The following NRG3 variants were observed in gnomAD, a reference collection of about 807,000 sequenced individuals.
NRG3 encodes pro-neuregulin-3, membrane-bound isoform.
NRG3 carries 31 observed loss-of-function variants against 66.9 expected under a neutral mutation model. The observed-to-expected ratio is 0.46, with a 90% CI of 0.35 to 0.63. The LOEUF (loss-of-function observed/expected upper bound fraction) is 0.63. NRG3 is among the 20% of genes least tolerant of loss of function. NRG3 has a pLI of 0.00. For synonymous variants in NRG3, 393 were observed against 359.4 expected (o/e 1.09, Z -1.06); for missense variants, 910 against 878.9 (o/e 1.04, Z -0.45).
At chr10:82,210,181 T>G (rs765358797) in intron 1 of NRG3, among the ~76,000 whole-genome samples, 1 of 152,166 alleles carries the variant, frequency 6.6e-6, no homozygotes, top group Non-Finnish European at 1.5e-5. Flanking sequence ...TTGCCAAGTA[T>G]AAAGACTTTA....
intron 2 of NRG3, among the ~76,000 whole-genome samples, chr10:82,511,757 T>A (rs1845186077): frequency 6.6e-6 from 1 of 152,046 alleles, no homozygotes; most frequent in African/African-American, 2.4e-5. Flanking sequence ...TTCTGCCCTG[T>A]AGTGAACAAG....
At chr10:82,909,334 C>T (rs1295156725) in intron 4 of NRG3, among the ~76,000 whole-genome samples, 1 of 152,156 alleles carries the variant, frequency 6.6e-6, no homozygotes. Flanking sequence ...AAGAACAATA[C>T]AGGTTGAACA....
At chr10:82,077,825 TA>T (rs1265720796) in intron 1 of NRG3, among the ~76,000 whole-genome samples, 2 of 152,232 alleles carry the variant, frequency 1.3e-5, no homozygotes, top group African/African-American at 4.8e-5. Flanking sequence ...ATATCAGAAA[TA>T]ACCTAGTGCA....
At chr10:82,503,352 G>T (rs1481153271) in intron 2 of NRG3, among the ~76,000 whole-genome samples, 2 of 152,148 alleles carry the variant, frequency 1.3e-5, no homozygotes, top group African/African-American at 2.4e-5. Flanking sequence ...AGGAAAATCT[G>T]GTGAGTAGAA....
At chr10:82,153,405 A>G (rs1232142098) in intron 1 of NRG3, among the ~76,000 whole-genome samples, 7 of 120,258 alleles carry the variant, frequency 5.8e-5, no homozygotes, top group Non-Finnish European at 1.2e-4. Flanking sequence ...GCTATATAGT[A>G]TTCCATTGTG....
At chr10:82,732,713 G>A (rs1469486129) in intron 2 of NRG3, among the ~76,000 whole-genome samples, 3 of 152,162 alleles carry the variant, frequency 2.0e-5, no homozygotes, top group Non-Finnish European at 4.4e-5. Flanking sequence ...GGTGGCTACT[G>A]TTATCTGCAT....
chr10:81,977,807 G>GT (rs2060182314), intron 1 of NRG3, among the ~76,000 whole-genome samples: 2 of 152,140 alleles, frequency 1.3e-5, no homozygotes, highest in African/African-American at 4.8e-5. Flanking sequence ...TAGAAATGCA[G>GT]TTTTTTATTT....
At chr10:82,860,253 T>C (rs2064051149) in intron 3 of NRG3, among the ~76,000 whole-genome samples, 1 of 152,174 alleles carries the variant, frequency 6.6e-6, no homozygotes, top group Non-Finnish European at 1.5e-5. Context: ...AGCTTATATT[T>C]GGCACTTCAT....
intron 3 of NRG3, among the ~76,000 whole-genome samples, chr10:82,744,946 A>T (rs480220): frequency 6.6e-5 from 10 of 151,966 alleles, no homozygotes; most frequent in East Asian, 1.9e-4. Context: ...ATTAGTACAC[A>T]GTGTACAAGG....
chr10:82,585,036 GC>G (rs2046587710), intron 2 of NRG3, among the ~76,000 whole-genome samples: 1 of 151,716 alleles, frequency 6.6e-6, no homozygotes. Flanking sequence ...GGGAGTTTTG[GC>G]TGTATGGGTG....
At chr10:82,046,140 T>G (rs2063283001) in intron 1 of NRG3, among the ~76,000 whole-genome samples, 1 of 147,936 alleles carries the variant, frequency 6.8e-6, no homozygotes, top group African/African-American at 2.5e-5. Context: ...TGGCATTGAA[T>G]CTATAAATTA....
At chr10:82,314,865 G>A (rs976148700) in intron 1 of NRG3, among the ~76,000 whole-genome samples, 1 of 152,100 alleles carries the variant, frequency 6.6e-6, no homozygotes, top group Non-Finnish European at 1.5e-5. Context: ...CGGGAGGTAA[G>A]CTGCCCCAGG....
At chr10:82,747,542 A>G (rs1253565091) in intron 3 of NRG3, among the ~76,000 whole-genome samples, 5 of 152,088 alleles carry the variant, frequency 3.3e-5, no homozygotes, top group Admixed American at 6.6e-5. Context: ...AGGGAAAATT[A>G]TATACCACTA....
intron 1 of NRG3, among the ~76,000 whole-genome samples, chr10:81,980,581 G>GCA (rs1298677280): frequency 6.6e-6 from 1 of 152,138 alleles, no homozygotes; most frequent in East Asian, 1.9e-4. Flanking sequence ...CCATAAGAGG[G>GCA]CACAGACACT....
chr10:82,735,938 T>G (rs201735485), intron 2 of NRG3, among the ~76,000 whole-genome samples: 1 of 30,962 alleles, frequency 3.2e-5, no homozygotes, highest in Admixed American at 4.1e-4. Flanking sequence ...AGAAAGATAA[T>G]AGAATATTAA....
chr10:82,456,378 G>C (rs1266777115), intron 2 of NRG3, among the ~76,000 whole-genome samples: 1 of 151,904 alleles, frequency 6.6e-6, no homozygotes, highest in Admixed American at 6.6e-5. Flanking sequence ...TGTTGCCCAG[G>C]CTGGTATCGA....
intron 1 of NRG3, among the ~76,000 whole-genome samples, chr10:82,311,740 G>T (rs942842033): frequency 6.6e-6 from 1 of 152,078 alleles, no homozygotes; most frequent in Non-Finnish European, 1.5e-5. Context: ...ATGAAGGAGG[G>T]TTTACTATTG....
intron 1 of NRG3, among the ~76,000 whole-genome samples, chr10:82,143,891 A>G (rs1277575599): frequency 6.6e-6 from 1 of 151,996 alleles, no homozygotes; most frequent in Non-Finnish European, 1.5e-5. Flanking sequence ...TTAGCAGGGC[A>G]TGGTGGTGCA....
intron 2 of NRG3, among the ~76,000 whole-genome samples, chr10:82,648,911 GAC>G (rs1160910248): frequency 1.3e-5 from 2 of 152,096 alleles, no homozygotes; most frequent in Non-Finnish European, 2.9e-5. Context: ...TTTGGGCTGA[GAC>G]AATGCAACAA....
Sources: allele counts gnomAD v4.1 joint callset (sites outside exome capture counted in the v4.1 genomes callset), GRCh38; gene constraint gnomAD v4.1.1; transcripts MANE v1.5; gene names NCBI Gene and HGNC (gene_info 2026-07-23, HGNC 2026-07-21).